The following UBR4 variants were observed in gnomAD, a reference collection of about 807,000 sequenced individuals.
UBR4 encodes the protein E3 ubiquitin-protein ligase UBR4.
UBR4 carries 124 observed loss-of-function variants against 575.6 expected under a neutral mutation model. The ratio of observed to expected loss-of-function variants is 0.22; its 90% CI spans 0.19 to 0.25. The LOEUF is 0.25. Ranked by LOEUF, UBR4 falls within the 10% of genes least tolerant of loss-of-function variation. The probability of loss-of-function intolerance (pLI) is 1.00; values close to 1 mark genes in which losing one functional copy is unlikely to be tolerated. For missense variants in UBR4, 4,818 were observed against 6,478.8 expected, an observed-to-expected ratio of 0.74 and a Z score of 8.80; for synonymous variants, 2,455 against 2,473.7, an observed-to-expected ratio of 0.99 and a Z score of 0.22.
Position 19,122,879 on chromosome 1 carries a change from G to A in UBR4, c.9770C>T (p.Thr3257Ile), listed in dbSNP as rs1253666143. The change falls in exon 66 of 106, where the codon ACA (threonine) becomes ATA (isoleucine). Residue 3257 changes from threonine to isoleucine, a missense_variant. Thr to Ile is a moderately conservative substitution (Grantham distance 89). Coordinates refer to ENST00000375254, the MANE Select transcript of UBR4 (RefSeq NM_020765.3). ...TTGCAAGGCGGAGCCTGAGCTGGCT[G>A]TAACCACACTTGCCCGGAGGAATAT... is the stretch of plus-strand genomic sequence containing the variant. The part of the protein sequence containing the change: ...QGIFLRASVV[T>I]ASSGSALQYD... The A allele has an allele frequency of 2.5e-6, 4 of 1,614,248 alleles. No individual in the cohort carries two copies. The highest frequency in any genetic ancestry group is 2.5e-6 in the Non-Finnish European group (3 of 1,180,040).
At chr1:19,126,055 C>T (rs1359873108) in intron 64 of UBR4, among the ~76,000 whole-genome samples, 1 of 152,118 alleles carries the variant, frequency 6.6e-6, no homozygotes, top group Admixed American at 6.5e-5. Flanking sequence ...TATCCCAGAT[C>T]AATCTGATCA....
intron 88 of UBR4, 112 bp downstream of exon 88, chr1:19,101,408 G>A: frequency 7.4e-7 from 1 of 1,358,614 alleles, no homozygotes; most frequent in South Asian, 2.0e-5. Context: ...TAATGACTAA[G>A]TGGCCCACAG....
intron 56 of UBR4, 33 bp from the exon 57 acceptor site, chr1:19,141,557 G>A (rs774737461): frequency 6.3e-7 from 1 of 1,597,536 alleles, no homozygotes; most frequent in East Asian, 2.2e-5. Context: ...GTGTCCCATG[G>A]TAAGTGGTAA....
intron 44 of UBR4, 66 bp downstream of exon 44, chr1:19,154,852 T>C: frequency 1.3e-6 from 2 of 1,598,336 alleles, no homozygotes; most frequent in Non-Finnish European, 1.7e-6. Flanking sequence ...TAGCAGATAG[T>C]GGGAGTGGAG....
chr1:19,107,225 C>T (rs2079312305), intron 81 of UBR4, among the ~76,000 whole-genome samples: 1 of 152,132 alleles, frequency 6.6e-6, no homozygotes, highest in African/African-American at 2.4e-5. Flanking sequence ...TCCTACAATC[C>T]TATAGCACTT....
In UBR4 at chr1:19,088,716, A is replaced by G; in HGVS notation, c.14430+43T>C. 1 of 1,603,536 alleles carries G rather than the reference A, an allele frequency of 6.2e-7. No individual in the cohort carries two copies. The highest frequency in any genetic ancestry group is 8.5e-7 in the Non-Finnish European group (1 of 1,172,874). ...CTGTCCCATGGCCACCTCCTCATCA[A>G]CAGTGTGGGCAGAAATATGGGGACT... On this transcript the variant is annotated intron_variant, in intron 98 of 105. Coordinates refer to ENST00000375254, the MANE Select transcript of UBR4 (RefSeq NM_020765.3). The surrounding 1 kb of genome is among the most constrained non-coding windows in gnomAD (Gnocchi z 4.0).
At chr1:19,147,246 A>C (rs975640057) in intron 51 of UBR4, among the ~76,000 whole-genome samples, 1 of 152,248 alleles carries the variant, frequency 6.6e-6, no homozygotes, top group African/African-American at 2.4e-5. Flanking sequence ...GGGAAAATTC[A>C]AATCTACTCA....
chr1:19,184,375 C>A (rs1394507621), intron 15 of UBR4, among the ~76,000 whole-genome samples, 200 bp from the exon 16 acceptor site: 1 of 152,216 alleles, frequency 6.6e-6, no homozygotes. Context: ...ATTCTACTTA[C>A]ACAAAATGGC....
At chr1:19,148,527 C>T in intron 50 of UBR4, 36 bp downstream of exon 50, 1 of 1,614,020 alleles carries the variant, frequency 6.2e-7, no homozygotes, top group Admixed American at 1.7e-5. Flanking sequence ...CCTGCCTCTT[C>T]AGAAAGCTTC....
intron 8 of UBR4, 31 bp from the exon 9 acceptor site, chr1:19,193,588 T>C: frequency 3.8e-6 from 6 of 1,587,052 alleles, no homozygotes; most frequent in Admixed American, 1.8e-5. Context: ...GTCTCAGCCA[T>C]GGAGTGCATC....
intron 60 of UBR4, among the ~76,000 whole-genome samples, 155 bp from the exon 61 acceptor site, chr1:19,129,229 T>A (rs1486767686): frequency 6.6e-6 from 1 of 151,192 alleles, no homozygotes; most frequent in Non-Finnish European, 1.5e-5. Context: ...AGTTAAGAAC[T>A]GCCTAATCGG....
intron 104 of UBR4, 87 bp from the exon 105 acceptor site, chr1:19,076,989 C>T: frequency 1.4e-6 from 2 of 1,428,308 alleles, no homozygotes; most frequent in Non-Finnish European, 1.9e-6. Context: ...ATTTCAACCC[C>T]TCAAAGGACA....
At position 19,161,058 on chromosome 1, in the gene UBR4, T is replaced by C; in HGVS notation, c.5265A>G (p.Leu1755=). ...GCGAGGAGGTGCTGGCATGACGCAC[T>C]AGACTCTCTGAAATCCTGGGTTCAC... ...FQSEPRISES[L]VRHASTSSPA... is the part of the protein sequence containing the mutation. Residue 1755 remains leucine (L), a synonymous_variant, in exon 38 of 106, where the codon CTA becomes CTG. Transcript: ENST00000375254. The C allele has an allele frequency of 2.5e-6, 4 of 1,614,170 alleles. No homozygotes were observed. The highest frequency in any genetic ancestry group is 3.4e-6 in the Non-Finnish European group (4 of 1,180,030).
chr1:19,134,387 T>C (rs531894432), intron 60 of UBR4, among the ~76,000 whole-genome samples: 9 of 152,038 alleles, frequency 5.9e-5, no homozygotes, highest in Non-Finnish European at 1.2e-4. Context: ...TGATTGTGCA[T>C]ACCAGCCTGG....
chr1:19,186,641 C>T lies in UBR4; in HGVS notation c.1649G>A (p.Arg550Gln), dbSNP rs2091551455. The T allele has an allele frequency of 1.2e-6, 2 of 1,613,948 alleles. No individual in the cohort carries two copies. Among genetic ancestry groups the T allele is most frequent in the Admixed American group, 1.7e-5 (1 of 60,000 alleles). ...GCTGCTCATGGAGCCCTTCCTCTGC[C>T]GCTGCAGGACACATGCCTAGGAAAA... ...TSYRKACVLQ[R>Q]QRKGSMSSDA... Residue 550 changes from arginine (R) to glutamine (Q), a missense_variant, in exon 14 of 106, where the codon CGG becomes CAG. Arg to Gln is a conservative substitution (Grantham distance 43). This residue lies in a region of UBR4 where 162 missense variants were observed against 216.4 expected (regional missense o/e 0.75). Coordinates refer to ENST00000375254, the MANE Select transcript of UBR4 (RefSeq NM_020765.3).
rs2077191481 is a variant in UBR4 at position 19,088,142 on chromosome 1, T to C, written c.14431-213A>G. Among the ~76,000 whole-genome samples, 1 of 152,220 alleles carries C rather than the reference T, an allele frequency of 6.6e-6. No individual in the cohort carries two copies. Among genetic ancestry groups the C allele is most frequent in the African/African-American group, 2.4e-5 (1 of 41,454 alleles). On this transcript the variant is annotated intron_variant, in intron 98 of 105. Transcript: ENST00000375254. This position sits in a 1 kb window ranked among gnomAD's most constrained non-coding sequence, Gnocchi z 4.0. ...ACAGGAACCACTGAAGCAAAGGAAG[T>C]CATCCAGCTGGAGCCCTGGCAAGGT...
chr1:19,162,864 G>T (rs991739634), intron 34 of UBR4, among the ~76,000 whole-genome samples: 1 of 152,176 alleles, frequency 6.6e-6, no homozygotes, highest in African/African-American at 2.4e-5. Context: ...AGTCTTGTAA[G>T]ATGAAGTAGG....
Position 19,093,356 on chromosome 1 carries a change from T to C in UBR4, c.14068A>G (p.Asn4690Asp). Residue 4690 changes from asparagine to aspartate, a missense_variant, in exon 96 of 106, where the codon AAT becomes GAT. Asn to Asp is a conservative substitution (Grantham distance 23, BLOSUM62 1). This residue lies in a region of UBR4 where 39 missense variants were observed against 37.5 expected (regional missense o/e 1.04). Coordinates refer to ENST00000375254, the MANE Select transcript of UBR4 (RefSeq NM_020765.3). The surrounding 1 kb of genome is among the most constrained non-coding windows in gnomAD (Gnocchi z 4.8). Reference protein sequence around the residue: ...DLILQKGITQNALDYMKKHIP... With the variant: ...DLILQKGITQDALDYMKKHIP... ...TGCTTTTTCATGTAGTCAAGTGCATTCTGGGTGATCCCCTTCTGGAGAATC... is the reference window on the plus strand; with the variant it reads ...TGCTTTTTCATGTAGTCAAGTGCATCCTGGGTGATCCCCTTCTGGAGAATC... 2 of 1,614,184 alleles carry C rather than the reference T, an allele frequency of 1.2e-6. No homozygotes were observed. The highest frequency in any genetic ancestry group is 4.5e-5 in the East Asian group (2 of 44,882).
At chr1:19,134,253 C>G (rs919694207) in intron 60 of UBR4, among the ~76,000 whole-genome samples, 10 of 149,612 alleles carry the variant, frequency 6.7e-5, no homozygotes, top group African/African-American at 2.5e-4. Flanking sequence ...GACTCTGTCT[C>G]AAAAATAAAT....
Sources: allele counts gnomAD v4.1 joint callset (sites outside exome capture counted in the v4.1 genomes callset), GRCh38; gene constraint gnomAD v4.1.1; regional missense constraint gnomAD v4.1.1; non-coding constraint Gnocchi (gnomAD v3.1); transcripts MANE v1.5; gene names NCBI Gene and HGNC (gene_info 2026-07-23, HGNC 2026-07-21).